ADARB1: variants seen among roughly 807,000 people sequenced by gnomAD.
The protein encoded by ADARB1 is double-stranded RNA-specific editase 1.
In ADARB1, 10 loss-of-function variants were observed where a neutral mutation model predicts 52.4. The observed-to-expected ratio is 0.19, with a 90% CI of 0.12 to 0.32. The LOEUF (loss-of-function observed/expected upper bound fraction) is 0.32. ADARB1 is among the 10% of genes least tolerant of loss of function. The pLI is 1.00. For synonymous variants in ADARB1, 349 were observed against 371.1 expected, an observed-to-expected ratio of 0.94 and a Z score of 0.68; for missense variants, 643 against 922.3, an observed-to-expected ratio of 0.70 and a Z score of 3.92.
intron 1 of ADARB1, among the ~76,000 whole-genome samples, chr21:45,105,316 G>A (rs1403088045): frequency 6.6e-6 from 1 of 152,168 alleles, no homozygotes; most frequent in Non-Finnish European, 1.5e-5. Flanking sequence ...GGCTAGGCTG[G>A]TCTTGAACTC....
intron 2 of ADARB1, among the ~76,000 whole-genome samples, chr21:45,148,811 G>A (rs535640523): frequency 2.3e-4 from 35 of 152,276 alleles, no homozygotes; most frequent in Non-Finnish European, 4.4e-4. Context: ...CTGGCCTGGC[G>A]AGATCTCTGC....
chr21:45,127,650 C>T (rs77867231), intron 1 of ADARB1, among the ~76,000 whole-genome samples: 10,106 of 152,078 alleles, frequency 0.066, 399 homozygotes, highest in East Asian at 0.15. Context: ...CACTTTCACG[C>T]GCACCTTATC....
chr21:45,155,535 T>C (rs2090513143), intron 2 of ADARB1, among the ~76,000 whole-genome samples: 1 of 151,972 alleles, frequency 6.6e-6, no homozygotes, highest in East Asian at 1.9e-4. Context: ...CATCTGTCCG[T>C]CAACCTATCA....
At chr21:45,149,484 A>G (rs2090175422) in intron 2 of ADARB1, among the ~76,000 whole-genome samples, 1 of 152,254 alleles carries the variant, frequency 6.6e-6, no homozygotes, top group South Asian at 2.1e-4. Flanking sequence ...CCAGTGCACT[A>G]TTGATACAAT....
intron 9 of ADARB1, among the ~76,000 whole-genome samples, chr21:45,212,069 TCATTTAGTTTTAGTGAAAAATATTG>T (rs2092780072): frequency 6.6e-6 from 1 of 152,226 alleles, no homozygotes; most frequent in African/African-American, 2.4e-5. Flanking sequence ...TTTTTGTTAA[TCATTTAGTTTTAGTGAAAAATATTG>T]TAATTCTAAG....
chr21:45,198,538 G>A (rs1262916275), intron 8 of ADARB1, among the ~76,000 whole-genome samples: 1 of 151,702 alleles, frequency 6.6e-6, no homozygotes, highest in African/African-American at 2.4e-5. Flanking sequence ...CACACACAGA[G>A]AATAAATTAA....
chr21:45,159,573 A>G (rs1478156051), intron 2 of ADARB1, among the ~76,000 whole-genome samples: 2 of 152,256 alleles, frequency 1.3e-5, no homozygotes, highest in Non-Finnish European at 1.5e-5. Flanking sequence ...CCAGGGGCTC[A>G]GTAATGCCTT....
At chr21:45,085,599 G>A (rs1317934092) in intron 1 of ADARB1, among the ~76,000 whole-genome samples, 1 of 152,152 alleles carries the variant, frequency 6.6e-6, no homozygotes, top group Non-Finnish European at 1.5e-5. Context: ...TACTATGTAT[G>A]TATGTACCCA....
At position 45,085,061 on chromosome 21, in the gene ADARB1, G is replaced by A. The variant is rs111592151; in HGVS notation, c.-220+10268G>A. Among the ~76,000 whole-genome samples the A allele has an allele frequency of 1.4e-3, 208 of 152,252 alleles. 1 individual carries two copies. The highest frequency in any genetic ancestry group is 4.9e-3 in the African/African-American group (202 of 41,570). On this transcript the variant is annotated intron_variant, in intron 1 of 10. Coordinates refer to ENST00000348831, the MANE Select transcript of ADARB1 (RefSeq NM_001112.4). ...TCATGTGCAGTGAGCCTGGGCTGCC[G>A]GATGCCGCTGGTGGGCCCTCTGCCA...
At chr21:45,140,955 T>C (rs2089688579) in intron 2 of ADARB1, among the ~76,000 whole-genome samples, 1 of 152,216 alleles carries the variant, frequency 6.6e-6, no homozygotes, top group Admixed American at 6.5e-5. Flanking sequence ...TTTGGGAGGC[T>C]GAGACAGGAG....
chr21:45,193,202 A>T (rs1340967702), intron 8 of ADARB1, among the ~76,000 whole-genome samples: 2 of 152,240 alleles, frequency 1.3e-5, no homozygotes, highest in African/African-American at 2.4e-5. Context: ...AAACTTTAGC[A>T]AACCAAATAC....
At chr21:45,140,883 A>T (rs2089684742) in intron 2 of ADARB1, among the ~76,000 whole-genome samples, 1 of 152,146 alleles carries the variant, frequency 6.6e-6, no homozygotes, top group South Asian at 2.1e-4. Context: ...GAAGTTTTGT[A>T]CATCTTTTGC....
chr21:45,076,632 A>G (rs1474663364), intron 1 of ADARB1, among the ~76,000 whole-genome samples: 2 of 152,234 alleles, frequency 1.3e-5, no homozygotes, highest in Admixed American at 6.5e-5. Flanking sequence ...CCAAGGGGGA[A>G]GGATTAGCTA....
chr21:45,214,812 A>G (rs975683826), intron 9 of ADARB1, among the ~76,000 whole-genome samples: 3 of 152,184 alleles, frequency 2.0e-5, no homozygotes, highest in African/African-American at 7.2e-5. Flanking sequence ...AGGTAGAGTT[A>G]GTCTTCCAAC....
intron 2 of ADARB1, among the ~76,000 whole-genome samples, chr21:45,167,622 A>G (rs365791): frequency 0.65 from 99,360 of 151,828 alleles, 33,157 homozygotes; most frequent in African/African-American, 0.8. Context: ...ATGGTGGCAC[A>G]TCCCTGTAAT....
intron 1 of ADARB1, among the ~76,000 whole-genome samples, chr21:45,089,379 G>A (rs1024832256): frequency 2.0e-5 from 3 of 152,194 alleles, no homozygotes; most frequent in Non-Finnish European, 2.9e-5. Flanking sequence ...GAAATGGCAG[G>A]ACCAGCCCCT....
chr21:45,162,004 A>G (rs771871272), intron 2 of ADARB1, among the ~76,000 whole-genome samples: 1 of 152,158 alleles, frequency 6.6e-6, no homozygotes, highest in Non-Finnish European at 1.5e-5. Context: ...CTTCCTGGAC[A>G]TGGGAGAAGA....
rs2090743953 is a variant in ADARB1, at chr21:45,157,819, C to A, written c.-47-13791C>A. 6.6e-6 allele frequency among the ~76,000 whole-genome samples: 1 copy of A among 152,144 alleles called. No individual in the cohort carries two copies. Among genetic ancestry groups the A allele is most frequent in the Non-Finnish European group, 1.5e-5 (1 of 68,020 alleles). ...ACTCAGGGACCTAGGTTTCTTCCAT[C>A]CTTAAGCTCTGTTCTCTAACAGAAG... On this transcript the variant is annotated intron_variant, in intron 2 of 10. Transcript: ENST00000348831. The surrounding 1 kb of genome is among the most constrained non-coding windows in gnomAD (Gnocchi z 4.1).
intron 9 of ADARB1, among the ~76,000 whole-genome samples, chr21:45,205,275 A>T (rs577992776): frequency 7.2e-4 from 105 of 144,952 alleles, no homozygotes; most frequent in African/African-American, 2.9e-3. Context: ...AGAAAGAAAG[A>T]AAGAAAGAAA....
Sources: allele counts gnomAD v4.1 joint callset (sites outside exome capture counted in the v4.1 genomes callset), GRCh38; gene constraint gnomAD v4.1.1; non-coding constraint Gnocchi (gnomAD v3.1); transcripts MANE v1.5; gene names NCBI Gene and HGNC (gene_info 2026-07-23, HGNC 2026-07-21).